APP: variants seen among roughly 807,000 people sequenced by gnomAD.
The protein encoded by APP is amyloid beta precursor protein, also known as amyloid-beta precursor protein.
A neutral mutation model predicts 101.4 loss-of-function variants in APP; 31 were observed. The observed-to-expected ratio is 0.31, with a 90% CI of 0.23 to 0.41. The LOEUF (loss-of-function observed/expected upper bound fraction) is 0.41. Among genes scored for constraint, APP ranks in the 10% least tolerant of loss-of-function variants. The probability of loss-of-function intolerance (pLI) is 1.00; values close to 1 mark genes in which losing one functional copy is unlikely to be tolerated. For synonymous variants in APP, 366 were observed against 364.4 expected, an observed-to-expected ratio of 1.00 and a Z score of -0.05; for missense variants, 839 against 1,003.7, an observed-to-expected ratio of 0.84 and a Z score of 2.22.
chr21:25,963,020 G>T (rs1277985052), intron 11 of APP, among the ~76,000 whole-genome samples: 3 of 152,092 alleles, frequency 2.0e-5, no homozygotes, highest in Non-Finnish European at 4.4e-5. Flanking sequence ...CACTATGTTG[G>T]ATAGGCTGGT....
At chr21:26,007,950 T>A (rs539026345) in intron 6 of APP, among the ~76,000 whole-genome samples, 5 of 152,308 alleles carry the variant, frequency 3.3e-5, no homozygotes, top group South Asian at 2.1e-4. Flanking sequence ...GCAAGCAAGC[T>A]TGAACTGAAG....
At chr21:25,918,535 G>A (rs546959887) in intron 13 of APP, among the ~76,000 whole-genome samples, 5 of 152,116 alleles carry the variant, frequency 3.3e-5, no homozygotes, top group East Asian at 3.9e-4. Flanking sequence ...CACCGTGCGC[G>A]AGCCGAAGCA....
At chr21:26,082,868 T>C (rs904527450) in intron 3 of APP, among the ~76,000 whole-genome samples, 2 of 152,228 alleles carry the variant, frequency 1.3e-5, no homozygotes, top group African/African-American at 4.8e-5. Flanking sequence ...AACTGACCTT[T>C]TATTGGTCAA....
intron 6 of APP, among the ~76,000 whole-genome samples, chr21:26,018,609 C>T (rs945118107): frequency 3.9e-5 from 6 of 152,160 alleles, no homozygotes; most frequent in African/African-American, 1.2e-4. Context: ...CTGACCATAA[C>T]ATGTTTCTGT....
intron 3 of APP, among the ~76,000 whole-genome samples, chr21:26,069,817 A>G (rs1427908039): frequency 6.6e-6 from 1 of 152,256 alleles, no homozygotes; most frequent in Non-Finnish European, 1.5e-5. Flanking sequence ...TGTATCTTAA[A>G]AGATGCAGAA....
At chr21:26,131,623 G>A (rs1398937462) in intron 1 of APP, among the ~76,000 whole-genome samples, 1 of 152,190 alleles carries the variant, frequency 6.6e-6, no homozygotes, top group Non-Finnish European at 1.5e-5. Flanking sequence ...GGCAATACTT[G>A]AGAAATGTCC....
chr21:26,156,000 CA>C (rs757330872), intron 1 of APP, among the ~76,000 whole-genome samples: 36,158 of 90,140 alleles, frequency 0.4, 3,882 homozygotes, highest in African/African-American at 0.48. Context: ...GACTTCGTCT[CA>C]AAAAAAAAAA....
intron 5 of APP, among the ~76,000 whole-genome samples, chr21:26,037,291 CT>C (rs542196595): frequency 4.5e-4 from 69 of 152,088 alleles, no homozygotes; most frequent in Non-Finnish European, 8.7e-4. Context: ...GGAATAAGTT[CT>C]AGTGCTCTAC....
In APP at chr21:25,906,597, A is replaced by G. The variant is rs562013475; in HGVS notation, c.1910-1520T>C. ...AGTATTTCACTAGTGCATTAGAGGAAGACATAGTTCACTTCCTTCTGCAAC... is the reference window on the plus strand; with the variant it reads ...AGTATTTCACTAGTGCATTAGAGGAGGACATAGTTCACTTCCTTCTGCAAC... On this transcript the variant is annotated intron_variant, in intron 14 of 17. Coordinates refer to ENST00000346798, the MANE Select transcript of APP (RefSeq NM_000484.4). 9.8e-5 allele frequency among the ~76,000 whole-genome samples: 15 copies of G among 152,370 alleles called. No homozygotes were observed. The South Asian group carries it at 2.9e-3, about 29-fold the overall frequency.
chr21:26,133,065 C>T (rs2062827041), intron 1 of APP, among the ~76,000 whole-genome samples: 1 of 151,910 alleles, frequency 6.6e-6, no homozygotes, highest in East Asian at 1.9e-4. Context: ...GGCAAAACCC[C>T]GTCTCTAAAA....
chr21:26,125,929 C>T (rs2062673646), intron 1 of APP, among the ~76,000 whole-genome samples: 1 of 152,238 alleles, frequency 6.6e-6, no homozygotes. Flanking sequence ...TGCAGATTAT[C>T]AGCTTGAATT....
At chr21:25,996,353 G>C (rs547263058) in intron 8 of APP, among the ~76,000 whole-genome samples, 7 of 152,184 alleles carry the variant, frequency 4.6e-5, no homozygotes, top group South Asian at 2.1e-4. Context: ...TTGAAACCGG[G>C]TCTTATAACA....
At chr21:25,963,411 T>C (rs1280949842) in intron 11 of APP, among the ~76,000 whole-genome samples, 1 of 152,196 alleles carries the variant, frequency 6.6e-6, no homozygotes, top group African/African-American at 2.4e-5. Flanking sequence ...CCGTTTCTTA[T>C]GGAAGGCAGT....
At chr21:26,169,975 C>A (rs1338533449) in intron 1 of APP, among the ~76,000 whole-genome samples, 1 of 152,158 alleles carries the variant, frequency 6.6e-6, no homozygotes, top group Admixed American at 6.5e-5. Context: ...CCCAGGCTGC[C>A]GCCGCCAGCA....
intron 5 of APP, among the ~76,000 whole-genome samples, chr21:26,037,901 G>A (rs1294025911): frequency 6.6e-6 from 1 of 151,990 alleles, no homozygotes; most frequent in Non-Finnish European, 1.5e-5. Flanking sequence ...TCAAACCTTT[G>A]ATATATCTTC....
intron 5 of APP, among the ~76,000 whole-genome samples, chr21:26,043,339 G>A (rs1056359584): frequency 1.3e-5 from 2 of 152,172 alleles, no homozygotes; most frequent in African/African-American, 2.4e-5. Flanking sequence ...GGGTTCAAGC[G>A]ATTCTCTGGC....
chr21:26,053,604 T>C, intron 3 of APP: 1 of 361,976 alleles, frequency 2.8e-6, no homozygotes, highest in South Asian at 3.2e-5. Context: ...TTAATCTGAA[T>C]TTCTTGCTTC....
rs112836526 is a variant in APP at position 25,895,955 on chromosome 21, C to T, written c.2064+1618G>A. On this transcript the variant is annotated intron_variant, in intron 16 of 17. Coordinates refer to ENST00000346798, the MANE Select transcript of APP (RefSeq NM_000484.4). ...TAGAGGGAGCTGATTCTCCTAATTGCTGCCGCTGCCATTAGTCACTGTCGC... is the reference window on the plus strand; with the variant it reads ...TAGAGGGAGCTGATTCTCCTAATTGTTGCCGCTGCCATTAGTCACTGTCGC... Among the ~76,000 whole-genome samples the T allele has an allele frequency of 4.1e-3, 628 of 152,310 alleles. 4 individuals carry two copies. Among genetic ancestry groups the T allele is most frequent in the African/African-American group, 0.014 (601 of 41,568 alleles).
intron 2 of APP, among the ~76,000 whole-genome samples, chr21:26,107,202 G>C (rs1025047698): frequency 1.3e-5 from 2 of 152,096 alleles, no homozygotes; most frequent in African/African-American, 4.8e-5. Flanking sequence ...TTGTAAAGAT[G>C]GATACTGCAG....
Sources: gnomAD v4.1 joint callset for allele counts (sites outside exome capture counted in the v4.1 genomes callset) on GRCh38, gnomAD v4.1.1 for gene constraint, MANE v1.5 for transcripts, NCBI Gene and HGNC (gene_info 2026-07-23, HGNC 2026-07-21) for gene names.